KHDRBS2: variants seen among roughly 807,000 people sequenced by gnomAD.
KHDRBS2 encodes the protein KH RNA binding domain containing, signal transduction associated 2.
In KHDRBS2, 26 loss-of-function variants were observed where a neutral mutation model predicts 44.3. That is an observed-to-expected ratio of 0.59 (90% CI 0.43 to 0.81). The LOEUF is 0.81. Ranked by LOEUF, KHDRBS2 falls within the 40% of genes least tolerant of loss-of-function variation. The pLI is 0.00. For synonymous variants in KHDRBS2, 194 were observed against 151.1 expected (o/e 1.28, Z -2.08); for missense variants, 476 against 433.1 (o/e 1.10, Z -0.88).
chr6:61,644,675 A>G, the KHDRBS2 span, among the ~76,000 whole-genome samples: 1 of 152,206 alleles, frequency 6.6e-6, no homozygotes, highest in Non-Finnish European at 1.5e-5. Flanking sequence ...TCTAAAGAAG[A>G]CATACATGTG....
intron 2 of KHDRBS2, among the ~76,000 whole-genome samples, chr6:62,087,598 G>A (rs952441466): frequency 1.3e-5 from 2 of 152,068 alleles, no homozygotes; most frequent in Admixed American, 6.6e-5. Context: ...AAACAAACCC[G>A]ACCTTTCTCT....
intron 6 of KHDRBS2, among the ~76,000 whole-genome samples, chr6:61,784,998 A>C (rs1223564756): frequency 6.6e-6 from 1 of 151,966 alleles, no homozygotes; most frequent in Admixed American, 6.6e-5. Flanking sequence ...AAAATACAAA[A>C]ATTTGCAGGG....
At chr6:62,056,779 G>T (rs1790381652) in intron 2 of KHDRBS2, among the ~76,000 whole-genome samples, 1 of 151,950 alleles carries the variant, frequency 6.6e-6, no homozygotes, top group African/African-American at 2.4e-5. Flanking sequence ...CACCAGGAAT[G>T]CTTAAGACTA....
At chr6:62,160,719 G>A (rs1817442421) in intron 2 of KHDRBS2, among the ~76,000 whole-genome samples, 1 of 152,084 alleles carries the variant, frequency 6.6e-6, no homozygotes, top group South Asian at 2.1e-4. Flanking sequence ...GAGAGAAAAC[G>A]ATGACTTAGG....
the KHDRBS2 span, among the ~76,000 whole-genome samples, chr6:61,564,380 T>A: frequency 2.0e-5 from 3 of 152,104 alleles, no homozygotes; most frequent in African/African-American, 7.2e-5. Flanking sequence ...TTCTTGTTTT[T>A]TAAAATAATG....
intron 1 of KHDRBS2, among the ~76,000 whole-genome samples, chr6:62,267,881 AATG>A (rs775734887): frequency 9.5e-4 from 145 of 152,204 alleles, no homozygotes; most frequent in Non-Finnish European, 1.1e-3. Flanking sequence ...GTTTTGCTTT[AATG>A]ATAATAAATT....
the KHDRBS2 span, among the ~76,000 whole-genome samples, chr6:61,673,499 C>T: frequency 1.7e-4 from 25 of 149,332 alleles, no homozygotes; most frequent in South Asian, 4.3e-4. Flanking sequence ...TGTTTGCAGA[C>T]GACATGATTG....
intron 6 of KHDRBS2, among the ~76,000 whole-genome samples, chr6:61,851,315 A>G (rs1385970486): frequency 2.0e-5 from 3 of 151,906 alleles, no homozygotes; most frequent in Non-Finnish European, 4.4e-5. Context: ...GTGTATATAT[A>G]TATCTCCTAC....
chr6:61,808,420 G>A (rs1181697509), intron 6 of KHDRBS2, among the ~76,000 whole-genome samples: 2 of 152,062 alleles, frequency 1.3e-5, no homozygotes, highest in African/African-American at 2.4e-5. Flanking sequence ...CAGAATTCTA[G>A]TTCTAGTTCC....
chr6:61,570,067 A>G, the KHDRBS2 span, among the ~76,000 whole-genome samples: 2 of 152,164 alleles, frequency 1.3e-5, no homozygotes, highest in Non-Finnish European at 2.9e-5. Context: ...ATGGTTCCAA[A>G]CCAAGAAGAA....
At chr6:62,114,016 G>A (rs777431874) in intron 2 of KHDRBS2, among the ~76,000 whole-genome samples, 9 of 152,036 alleles carry the variant, frequency 5.9e-5, no homozygotes, top group Non-Finnish European at 1.0e-4. Context: ...TTCACAAGGC[G>A]GCAGGAGAGA....
chr6:62,211,664 T>C (rs181130364), intron 1 of KHDRBS2, among the ~76,000 whole-genome samples: 2 of 152,260 alleles, frequency 1.3e-5, no homozygotes, highest in African/African-American at 4.8e-5. Context: ...TTCACGGCAC[T>C]TGCAAGATTG....
intron 8 of KHDRBS2, among the ~76,000 whole-genome samples, chr6:61,682,679 C>T (rs1410038552): frequency 6.6e-6 from 1 of 151,884 alleles, no homozygotes; most frequent in Admixed American, 6.6e-5. Flanking sequence ...AAAAAGTTTA[C>T]AGATCTGTGC....
the KHDRBS2 span, among the ~76,000 whole-genome samples, chr6:61,560,871 G>A: frequency 6.6e-6 from 1 of 152,148 alleles, no homozygotes; most frequent in African/African-American, 2.4e-5. Context: ...GTTGATGCTA[G>A]TACATGTTCT....
At chr6:62,101,117 G>GT (rs1323261494) in intron 2 of KHDRBS2, among the ~76,000 whole-genome samples, 3 of 152,098 alleles carry the variant, frequency 2.0e-5, no homozygotes, top group African/African-American at 4.8e-5. Context: ...TCAGGCAGTT[G>GT]TTTTTTATTT....
At chr6:62,011,103 T>C (rs374664858) in intron 3 of KHDRBS2, among the ~76,000 whole-genome samples, 1 of 152,130 alleles carries the variant, frequency 6.6e-6, no homozygotes, top group South Asian at 2.1e-4. Context: ...TGATGACTTA[T>C]ATATATGTCT....
At chr6:61,806,747 A>G (rs1787229643) in intron 6 of KHDRBS2, among the ~76,000 whole-genome samples, 1 of 152,044 alleles carries the variant, frequency 6.6e-6, no homozygotes, top group Non-Finnish European at 1.5e-5. Context: ...ATTATTTCAA[A>G]AAAAAGGCCT....
chr6:62,118,856 T>C (rs1320440475), intron 2 of KHDRBS2, among the ~76,000 whole-genome samples: 1 of 152,234 alleles, frequency 6.6e-6, no homozygotes, highest in African/African-American at 2.4e-5. Flanking sequence ...AGCCACAGAC[T>C]GAAGGCTGAA....
intron 3 of KHDRBS2, among the ~76,000 whole-genome samples, chr6:62,005,396 A>T (rs1457284826): frequency 6.6e-6 from 1 of 152,012 alleles, no homozygotes; most frequent in African/African-American, 2.4e-5. Flanking sequence ...TCTCCAATTA[A>T]AAAAATTTAT....
Sources: allele counts gnomAD v4.1 joint callset (sites outside exome capture counted in the v4.1 genomes callset), GRCh38; gene constraint gnomAD v4.1.1; transcripts MANE v1.5; gene names NCBI Gene and HGNC (gene_info 2026-07-23, HGNC 2026-07-21).